Variants in ASTN2 observed in about 807,000 individuals in gnomAD.
The protein encoded by ASTN2 is astrotactin 2.
A neutral mutation model predicts 139.8 loss-of-function variants in ASTN2; 54 were observed. The observed-to-expected ratio is 0.39, with a 90% CI of 0.31 to 0.48. The LOEUF (loss-of-function observed/expected upper bound fraction) is 0.48. Ranked by LOEUF, ASTN2 falls within the 20% of genes least tolerant of loss-of-function variation. The probability of loss-of-function intolerance (pLI) is 0.95; values close to 1 mark genes in which losing one functional copy is unlikely to be tolerated. For synonymous variants in ASTN2, 756 were observed against 719.5 expected, an observed-to-expected ratio of 1.05 and a Z score of -0.81; for missense variants, 1,565 against 1,725.1, an observed-to-expected ratio of 0.91 and a Z score of 1.64.
intron 3 of ASTN2, among the ~76,000 whole-genome samples, chr9:117,143,971 A>G (rs147668714): frequency 2.6e-5 from 4 of 152,162 alleles, no homozygotes; most frequent in East Asian, 3.9e-4. Context: ...TCCTTCCCCA[A>G]TTTATATGTT....
intron 3 of ASTN2, among the ~76,000 whole-genome samples, chr9:117,163,146 G>T (rs1003571562): frequency 6.6e-6 from 1 of 152,078 alleles, no homozygotes; most frequent in East Asian, 1.9e-4. Flanking sequence ...GGAGGTAAGT[G>T]ACAAAGAGAA....
intron 17 of ASTN2, among the ~76,000 whole-genome samples, chr9:116,634,454 G>A (rs1413147731): frequency 1.3e-5 from 2 of 151,908 alleles, no homozygotes; most frequent in Non-Finnish European, 2.9e-5. Flanking sequence ...GCCGGGCGTG[G>A]TAGCGGGCGC....
At chr9:117,398,330 G>A (rs1017382524) in intron 1 of ASTN2, among the ~76,000 whole-genome samples, 23 of 152,154 alleles carry the variant, frequency 1.5e-4, no homozygotes, top group African/African-American at 5.3e-4. Context: ...GGAGAATGGA[G>A]GCCGATGCTG....
chr9:117,291,552 C>T, intron 1 of ASTN2, 39 bp from the exon 2 acceptor site: 1 of 1,540,476 alleles, frequency 6.5e-7, no homozygotes, highest in Non-Finnish European at 8.8e-7. Context: ...GAGCCGTACG[C>T]CTGGCCTTGG....
At chr9:116,583,266 T>C (rs1256535661) in intron 19 of ASTN2, 1 of 152,218 alleles carries the variant, frequency 6.6e-6, no homozygotes, top group Non-Finnish European at 1.5e-5. Flanking sequence ...TTGGATCCCA[T>C]GAATAAATGT....
chr9:117,136,321 G>A (rs531089055), intron 4 of ASTN2, among the ~76,000 whole-genome samples: 18 of 152,266 alleles, frequency 1.2e-4, no homozygotes, highest in African/African-American at 4.3e-4. Flanking sequence ...GAGGAATTGA[G>A]CAAGTGTTAA....
At chr9:117,401,815 ATAT>A (rs1196556338) in intron 1 of ASTN2, among the ~76,000 whole-genome samples, 1 of 152,170 alleles carries the variant, frequency 6.6e-6, no homozygotes, top group African/African-American at 2.4e-5. Flanking sequence ...ATGTCAACAA[ATAT>A]TATTCTTCTC....
intron 16 of ASTN2, among the ~76,000 whole-genome samples, chr9:116,720,218 C>G (rs554171879): frequency 4.6e-5 from 7 of 152,302 alleles, no homozygotes; most frequent in Non-Finnish European, 8.8e-5. Context: ...TTCAAAAGCA[C>G]ATTGTAATTC....
intron 3 of ASTN2, among the ~76,000 whole-genome samples, chr9:117,156,805 G>A (rs1278804779): frequency 6.6e-6 from 1 of 152,040 alleles, no homozygotes; most frequent in Non-Finnish European, 1.5e-5. Context: ...TTTAAAACTT[G>A]AGGTTATTTT....
chr9:116,437,656 G>A (rs1847701482), intron 22 of ASTN2: 4 of 463,424 alleles, frequency 8.6e-6, no homozygotes, highest in South Asian at 6.2e-5. Flanking sequence ...TGAGCCCTGT[G>A]GGAAAGCCCA....
rs143515355 is a variant in ASTN2 at position 116,724,988 on chromosome 9, A to G, written c.2806+783T>C. The stretch of plus-strand genomic sequence containing the variant: ...TGAGACTCATTTTCTCATGTGTAAA[A>G]TGGGAGTATGAATACACTGACCTAT... On this transcript the variant is annotated intron_variant, in intron 16 of 22. Coordinates refer to ENST00000313400, the MANE Select transcript of ASTN2 (RefSeq NM_001365068.1). Among the ~76,000 whole-genome samples, 897 of 152,298 alleles carry G rather than the reference A, an allele frequency of 5.9e-3. 12 individuals are homozygous for G. The highest frequency in any genetic ancestry group is 0.021 in the African/African-American group (867 of 41,562).
intron 2 of ASTN2, among the ~76,000 whole-genome samples, chr9:117,238,522 A>G (rs1833113313): frequency 6.6e-6 from 1 of 152,214 alleles, no homozygotes; most frequent in South Asian, 2.1e-4. Flanking sequence ...TCCAAGGCCA[A>G]CAGCTCTGGC....
intron 19 of ASTN2, among the ~76,000 whole-genome samples, chr9:116,493,209 A>G (rs904099101): frequency 6.6e-6 from 1 of 152,094 alleles, no homozygotes; most frequent in Non-Finnish European, 1.5e-5. Flanking sequence ...ACCTTTCACT[A>G]GGCCACTCTA....
chr9:116,598,105 T>C (rs920102872), intron 19 of ASTN2, among the ~76,000 whole-genome samples: 9 of 152,188 alleles, frequency 5.9e-5, no homozygotes, highest in African/African-American at 1.9e-4. Flanking sequence ...AACAGGGTAA[T>C]TGAGTTCTCC....
chr9:117,020,234 T>A (rs555181434), intron 6 of ASTN2, among the ~76,000 whole-genome samples: 2 of 152,134 alleles, frequency 1.3e-5, no homozygotes, highest in South Asian at 2.1e-4. Context: ...TCTATGATAT[T>A]GAAAACAGCA....
intron 2 of ASTN2, among the ~76,000 whole-genome samples, chr9:117,252,582 T>TA (rs546996073): frequency 1.2e-3 from 180 of 152,262 alleles, no homozygotes; most frequent in Middle Eastern, 3.4e-3. Flanking sequence ...GTCATTAAAT[T>TA]AAAAAAACAA....
chr9:116,972,772 AT>A (rs1836246007), intron 10 of ASTN2, among the ~76,000 whole-genome samples: 1 of 152,148 alleles, frequency 6.6e-6, no homozygotes, highest in South Asian at 2.1e-4. Flanking sequence ...TTTATCACAG[AT>A]TAGAAATCAA....
At chr9:117,024,267 T>C (rs1564389922) in intron 6 of ASTN2, among the ~76,000 whole-genome samples, 1 of 152,200 alleles carries the variant, frequency 6.6e-6, no homozygotes, top group Non-Finnish European at 1.5e-5. Flanking sequence ...TTATGTTTAC[T>C]GGGCTCAAGA....
intron 4 of ASTN2, among the ~76,000 whole-genome samples, chr9:117,122,662 G>A (rs1296604423): frequency 2.0e-5 from 3 of 152,108 alleles, no homozygotes; most frequent in Admixed American, 2.0e-4. Flanking sequence ...GAGAAAGACA[G>A]GACAATCCTC....
Sources: allele counts gnomAD v4.1 joint callset (sites outside exome capture counted in the v4.1 genomes callset), GRCh38; gene constraint gnomAD v4.1.1; transcripts MANE v1.5; gene names NCBI Gene and HGNC (gene_info 2026-07-23, HGNC 2026-07-21).